ERBB4: variants seen among roughly 807,000 people sequenced by gnomAD.
ERBB4 encodes receptor tyrosine-protein kinase erbB-4.
Under a neutral mutation model 158.0 loss-of-function variants are expected in ERBB4, and 42 were observed. That is an observed-to-expected ratio of 0.27 (90% CI 0.21 to 0.34). The LOEUF (loss-of-function observed/expected upper bound fraction) is 0.34, where lower values mean the gene tolerates loss of function less well. Among genes scored for constraint, ERBB4 ranks in the 10% least tolerant of loss-of-function variants. The pLI, the probability that ERBB4 is intolerant of heterozygous loss-of-function variation, is 1.00. For missense variants in ERBB4, 1,333 were observed against 1,624.1 expected (o/e 0.82, Z 3.08); for synonymous variants, 583 against 558.7 (o/e 1.04, Z -0.61).
intron 1 of ERBB4, among the ~76,000 whole-genome samples, chr2:212,134,908 G>T (rs576170160): frequency 4.0e-5 from 6 of 151,896 alleles, no homozygotes; most frequent in African/African-American, 1.4e-4. Context: ...GGATGGTCTC[G>T]ATCTCCTGAC....
chr2:212,270,354 C>G (rs73986915), intron 1 of ERBB4, among the ~76,000 whole-genome samples: 1 of 151,682 alleles, frequency 6.6e-6, no homozygotes, highest in African/African-American at 2.4e-5. Flanking sequence ...AAGATCTTTG[C>G]ACTTGAACAG....
chr2:211,469,387 T>A (rs1289027645), intron 20 of ERBB4, among the ~76,000 whole-genome samples: 3 of 152,148 alleles, frequency 2.0e-5, no homozygotes, highest in Non-Finnish European at 2.9e-5. Flanking sequence ...CAGGAAAGTT[T>A]TCATAGTCTG....
At chr2:212,328,933 C>T (rs146835460) in intron 1 of ERBB4, among the ~76,000 whole-genome samples, 1 of 152,094 alleles carries the variant, frequency 6.6e-6, no homozygotes, top group African/African-American at 2.4e-5. Context: ...TTTGGACATG[C>T]ATTTTCTGAA....
intron 1 of ERBB4, among the ~76,000 whole-genome samples, chr2:212,469,579 A>C (rs1344071654): frequency 6.6e-6 from 1 of 152,190 alleles, no homozygotes; most frequent in Non-Finnish European, 1.5e-5. Context: ...GCTTAGCACC[A>C]TAAAAAGCTT....
At chr2:211,652,536 G>C (rs941494410) in intron 16 of ERBB4, among the ~76,000 whole-genome samples, 4 of 152,112 alleles carry the variant, frequency 2.6e-5, no homozygotes, top group Non-Finnish European at 5.9e-5. Flanking sequence ...GTGGTGCCAA[G>C]AATATCATAT....
At chr2:212,226,670 A>G (rs1022726246) in intron 1 of ERBB4, among the ~76,000 whole-genome samples, 1 of 152,180 alleles carries the variant, frequency 6.6e-6, no homozygotes, top group African/African-American at 2.4e-5. Context: ...CCTCAGAGAT[A>G]TGTCATATTA....
intron 20 of ERBB4, among the ~76,000 whole-genome samples, chr2:211,474,116 C>A (rs577269439): frequency 1.3e-5 from 2 of 151,920 alleles, no homozygotes; most frequent in African/African-American, 4.8e-5. Context: ...AAGTATTTGG[C>A]CACTTGTGTA....
chr2:212,167,539 T>C (rs2081384947), intron 1 of ERBB4, among the ~76,000 whole-genome samples: 1 of 152,168 alleles, frequency 6.6e-6, no homozygotes, highest in African/African-American at 2.4e-5. Context: ...TGGCTATTCC[T>C]CAAGGATTTA....
chr2:212,098,827 A>G (rs1458281016), intron 2 of ERBB4, among the ~76,000 whole-genome samples: 1 of 152,166 alleles, frequency 6.6e-6, no homozygotes, highest in Admixed American at 6.6e-5. Context: ...TATCCTATAA[A>G]TAGTTCAAAT....
intron 20 of ERBB4, among the ~76,000 whole-genome samples, chr2:211,531,206 A>T (rs1015120847): frequency 6.6e-6 from 1 of 152,188 alleles, no homozygotes; most frequent in African/African-American, 2.4e-5. Flanking sequence ...TCAAAGTATG[A>T]AACTATTAAA....
chr2:212,143,476 A>T (rs2080553297), intron 1 of ERBB4, among the ~76,000 whole-genome samples: 1 of 152,056 alleles, frequency 6.6e-6, no homozygotes, highest in South Asian at 2.1e-4. Flanking sequence ...GTATCCTGGG[A>T]AAAAAAGGAA....
chr2:211,727,399 C>G (rs144933780), intron 5 of ERBB4, among the ~76,000 whole-genome samples: 1 of 151,884 alleles, frequency 6.6e-6, no homozygotes, highest in Non-Finnish European at 1.5e-5. Flanking sequence ...AGTTTATTGT[C>G]TTACTTAAGT....
intron 2 of ERBB4, among the ~76,000 whole-genome samples, chr2:212,003,926 CT>C: frequency 6.6e-6 from 1 of 152,130 alleles, no homozygotes; most frequent in Admixed American, 6.6e-5. Flanking sequence ...TCTCTATATC[CT>C]AGTGTCATTT....
chr2:212,503,179 T>G (rs747794074), intron 1 of ERBB4, among the ~76,000 whole-genome samples: 1 of 152,230 alleles, frequency 6.6e-6, no homozygotes, highest in Non-Finnish European at 1.5e-5. Context: ...AAATAAACTC[T>G]TACTGGGTTA....
intron 1 of ERBB4, among the ~76,000 whole-genome samples, chr2:212,389,329 A>T (rs2090779867): frequency 6.6e-6 from 1 of 152,132 alleles, no homozygotes; most frequent in Admixed American, 6.6e-5. Context: ...ATACACATAT[A>T]GGCATGTTGT....
At chr2:211,762,771 T>C (rs1238459106) in intron 4 of ERBB4, among the ~76,000 whole-genome samples, 1 of 152,226 alleles carries the variant, frequency 6.6e-6, no homozygotes, top group East Asian at 1.9e-4. Flanking sequence ...ATCCAAAGCA[T>C]TGCCCATGGC....
rs192498312 is a variant in ERBB4, at chr2:211,422,079, T to C, written c.2892A>G (p.Arg964=). Reference sequence around the variant, plus strand: ...CAGCAGCCAGTTCCTTAAATTTAGGTCTACTGTCAGCATCAATCATCCAAC... The same window carrying C: ...CAGCAGCCAGTTCCTTAAATTTAGGCCTACTGTCAGCATCAATCATCCAAC... ...VKCWMIDADS[R]PKFKELAAEF... Residue 964 remains arginine, a synonymous_variant, in exon 24 of 28, where the codon AGA becomes AGG. Coordinates refer to ENST00000342788, the MANE Select transcript of ERBB4 (RefSeq NM_005235.3). 15 of 1,611,534 alleles carry C rather than the reference T, an allele frequency of 9.3e-6. No homozygotes were observed. Among genetic ancestry groups the C allele is most frequent in the Middle Eastern group, 1.7e-4 (1 of 6,052 alleles).
intron 1 of ERBB4, among the ~76,000 whole-genome samples, chr2:212,409,240 C>A (rs1037161176): frequency 6.6e-6 from 1 of 152,020 alleles, no homozygotes; most frequent in Non-Finnish European, 1.5e-5. Context: ...CCTTGCACAC[C>A]CTTCTCTACC....
intron 2 of ERBB4, among the ~76,000 whole-genome samples, chr2:212,026,505 T>C (rs1191297215): frequency 6.6e-6 from 1 of 151,782 alleles, no homozygotes; most frequent in Non-Finnish European, 1.5e-5. Flanking sequence ...GAAAAGAAAT[T>C]TCAAACCTAT....
Sources: gnomAD v4.1 joint callset for allele counts (sites outside exome capture counted in the v4.1 genomes callset) on GRCh38, gnomAD v4.1.1 for gene constraint, MANE v1.5 for transcripts, NCBI Gene and HGNC (gene_info 2026-07-23, HGNC 2026-07-21) for gene names.